MAF: variants seen among roughly 807,000 people sequenced by gnomAD.
The protein encoded by MAF is MAF bZIP transcription factor.
In MAF, 10 loss-of-function variants were observed where a neutral mutation model predicts 22.0. That is an observed-to-expected ratio of 0.45 (90% CI 0.28 to 0.77). MAF has a LOEUF of 0.77. Among genes scored for constraint, MAF ranks in the 30% least tolerant of loss-of-function variants. The pLI is 0.12. For synonymous variants in MAF, 337 were observed against 255.8 expected, an observed-to-expected ratio of 1.32 and a Z score of -3.03; for missense variants, 544 against 548.4, an observed-to-expected ratio of 0.99 and a Z score of 0.08.
the MAF span, among the ~76,000 whole-genome samples, chr16:79,341,854 A>AC: frequency 6.6e-6 from 1 of 152,150 alleles, no homozygotes; most frequent in African/African-American, 2.4e-5. Flanking sequence ...CTGCAGAGAA[A>AC]GTGATAAACT....
chr16:79,253,794 C>G, the MAF span, among the ~76,000 whole-genome samples: 4 of 152,282 alleles, frequency 2.6e-5, no homozygotes, highest in African/African-American at 7.2e-5. Flanking sequence ...TGGGCTATCA[C>G]ACCTCCTGTT....
the MAF span, among the ~76,000 whole-genome samples, chr16:79,302,355 T>G: frequency 6.6e-6 from 1 of 152,238 alleles, no homozygotes; most frequent in Non-Finnish European, 1.5e-5. Flanking sequence ...GAGAAAGCTT[T>G]TAATTAGCCC....
the MAF span, among the ~76,000 whole-genome samples, chr16:79,576,629 G>A: frequency 6.6e-6 from 1 of 151,976 alleles, no homozygotes; most frequent in South Asian, 2.1e-4. Flanking sequence ...AAAACTTAAA[G>A]TGTAGGAGGG....
At chr16:79,306,292 C>T in the MAF span, among the ~76,000 whole-genome samples, 1 of 152,216 alleles carries the variant, frequency 6.6e-6, no homozygotes, top group Non-Finnish European at 1.5e-5. Flanking sequence ...TAAATCTCTG[C>T]TTCTCATGGC....
the MAF span, among the ~76,000 whole-genome samples, chr16:79,398,734 C>T: frequency 6.6e-6 from 1 of 152,144 alleles, no homozygotes; most frequent in African/African-American, 2.4e-5. Flanking sequence ...AAATCTCCCA[C>T]ATCAGCCTGC....
At chr16:79,415,131 A>G in the MAF span, among the ~76,000 whole-genome samples, 1 of 152,214 alleles carries the variant, frequency 6.6e-6, no homozygotes, top group Non-Finnish European at 1.5e-5. Flanking sequence ...CAGCTCTAAC[A>G]TTGTCCTCAA....
chr16:79,544,980 G>T, the MAF span, among the ~76,000 whole-genome samples: 1 of 152,040 alleles, frequency 6.6e-6, no homozygotes, highest in Non-Finnish European at 1.5e-5. Context: ...GGCTTGAGGT[G>T]GTTCTCTATG....
At chr16:79,371,442 T>G in the MAF span, among the ~76,000 whole-genome samples, 1 of 152,148 alleles carries the variant, frequency 6.6e-6, no homozygotes, top group Non-Finnish European at 1.5e-5. Context: ...CATCTTCAAC[T>G]TGCCACACTA....
the MAF span, among the ~76,000 whole-genome samples, chr16:79,355,354 G>A: frequency 4.4e-4 from 67 of 152,212 alleles, no homozygotes; most frequent in Non-Finnish European, 7.2e-4. Context: ...GGCTGTGGTC[G>A]TCCTGTCCCC....
At chr16:79,524,700 C>T in the MAF span, among the ~76,000 whole-genome samples, 3 of 152,096 alleles carry the variant, frequency 2.0e-5, no homozygotes, top group Admixed American at 6.6e-5. Flanking sequence ...TTTCACTGGC[C>T]AAATATAGAA....
chr16:79,477,599 C>G, the MAF span, among the ~76,000 whole-genome samples: 1 of 152,186 alleles, frequency 6.6e-6, no homozygotes, highest in Non-Finnish European at 1.5e-5. Flanking sequence ...ATTCCTATAG[C>G]TGCTTTTGTT....
chr16:79,357,776 C>A, the MAF span, among the ~76,000 whole-genome samples: 1 of 152,078 alleles, frequency 6.6e-6, no homozygotes, highest in South Asian at 2.1e-4. Flanking sequence ...GTCTCCCCTA[C>A]CAACCACAAA....
intron 1 of MAF, chr16:79,595,611 C>T: frequency 9.4e-7 from 1 of 1,058,764 alleles, no homozygotes; most frequent in East Asian, 5.2e-5. Context: ...AGGAGTCCTA[C>T]TAGTGAAGGT....
the MAF span, among the ~76,000 whole-genome samples, chr16:79,478,698 C>A: frequency 6.6e-6 from 1 of 152,120 alleles, no homozygotes; most frequent in African/African-American, 2.4e-5. Context: ...GTGTAGCATC[C>A]CAGGGTTCAT....
At chr16:79,375,735 A>T in the MAF span, among the ~76,000 whole-genome samples, 1 of 151,990 alleles carries the variant, frequency 6.6e-6, no homozygotes, top group South Asian at 2.1e-4. Context: ...CACAGACTTA[A>T]AAAAAAATCT....
chr16:79,579,497 G>A, the MAF span, among the ~76,000 whole-genome samples: 1 of 151,962 alleles, frequency 6.6e-6, no homozygotes, highest in Non-Finnish European at 1.5e-5. Context: ...TTACAGTTTA[G>A]TTTACCGATA....
At chr16:79,477,870 G>A in the MAF span, among the ~76,000 whole-genome samples, 2 of 151,778 alleles carry the variant, frequency 1.3e-5, no homozygotes, top group African/African-American at 4.8e-5. Context: ...GACTACAGGC[G>A]CGTGCCACCA....
At chr16:79,512,240 G>A in the MAF span, among the ~76,000 whole-genome samples, 1 of 152,156 alleles carries the variant, frequency 6.6e-6, no homozygotes, top group Admixed American at 6.5e-5. Context: ...CAGTACAGGT[G>A]GGCCTCCCAG....
the MAF span, chr16:79,204,972 C>G: frequency 2.0e-5 from 3 of 152,192 alleles, no homozygotes; most frequent in Non-Finnish European, 4.4e-5. Flanking sequence ...GCAAGAAACT[C>G]ATGTCTTTTG....
Sources: allele counts gnomAD v4.1 joint callset (sites outside exome capture counted in the v4.1 genomes callset), GRCh38; gene constraint gnomAD v4.1.1; transcripts MANE v1.5; gene names NCBI Gene and HGNC (gene_info 2026-07-23, HGNC 2026-07-21).